NRXN3: variants seen among roughly 807,000 people sequenced by gnomAD.
The protein encoded by NRXN3 is neurexin III.
Under a neutral mutation model 137.6 loss-of-function variants are expected in NRXN3, and 32 were observed. That is an observed-to-expected ratio of 0.23 (90% CI 0.18 to 0.31). The LOEUF is 0.31. Ranked by LOEUF, NRXN3 falls within the 10% of genes least tolerant of loss-of-function variation. NRXN3 has a pLI of 1.00. For missense variants in NRXN3, 1,574 were observed against 2,062.5 expected, an observed-to-expected ratio of 0.76 and a Z score of 4.59; for synonymous variants, 798 against 784.5, an observed-to-expected ratio of 1.02 and a Z score of -0.29.
At chr14:79,239,964 T>G (rs1318925875) in intron 15 of NRXN3, among the ~76,000 whole-genome samples, 5 of 152,004 alleles carry the variant, frequency 3.3e-5, no homozygotes, top group African/African-American at 4.8e-5. Context: ...AACAATCAAA[T>G]TTATAGAGGC....
intron 15 of NRXN3, among the ~76,000 whole-genome samples, chr14:79,114,353 A>G (rs1046339260): frequency 6.6e-6 from 1 of 152,166 alleles, no homozygotes; most frequent in Non-Finnish European, 1.5e-5. Flanking sequence ...CTCTCCAAGT[A>G]GATATATATT....
At chr14:79,420,132 TAG>T (rs1212840684) in intron 15 of NRXN3, among the ~76,000 whole-genome samples, 1 of 152,128 alleles carries the variant, frequency 6.6e-6, no homozygotes, top group Non-Finnish European at 1.5e-5. Flanking sequence ...AGAATGCAAA[TAG>T]CTCTTGGAGT....
chr14:78,369,231 A>G (rs897261828), intron 4 of NRXN3, among the ~76,000 whole-genome samples: 7 of 152,132 alleles, frequency 4.6e-5, no homozygotes, highest in Non-Finnish European at 5.9e-5. Flanking sequence ...CATATATCCA[A>G]TGCAAGTGGT....
chr14:78,729,811 C>T (rs2098506066), intron 8 of NRXN3, among the ~76,000 whole-genome samples: 1 of 152,136 alleles, frequency 6.6e-6, no homozygotes. Flanking sequence ...AGACGGGGAG[C>T]CATCGGCTAT....
chr14:79,488,767 C>G (rs1021223977), intron 16 of NRXN3, among the ~76,000 whole-genome samples: 1 of 152,118 alleles, frequency 6.6e-6, no homozygotes, highest in African/African-American at 2.4e-5. Context: ...AAGTTTTAAG[C>G]TCATCAATCA....
At chr14:79,425,843 GA>G (rs1451110372) in intron 15 of NRXN3, among the ~76,000 whole-genome samples, 1 of 152,156 alleles carries the variant, frequency 6.6e-6, no homozygotes, top group African/African-American at 2.4e-5. Context: ...ATGGACACTA[GA>G]CCCTAGGCCT....
intron 8 of NRXN3, among the ~76,000 whole-genome samples, chr14:78,721,938 C>CTT (rs34195710): frequency 0.02 from 2,948 of 146,730 alleles, 81 homozygotes; most frequent in African/African-American, 0.069. Context: ...GATTCAGCCT[C>CTT]TTTTTTTTTT....
chr14:79,565,238 T>TACAC (rs1284331571), intron 16 of NRXN3, among the ~76,000 whole-genome samples: 4 of 101,362 alleles, frequency 3.9e-5, no homozygotes, highest in East Asian at 2.7e-4. Flanking sequence ...TATATACATA[T>TACAC]ATGTGTGTGT....
intron 15 of NRXN3, among the ~76,000 whole-genome samples, chr14:79,179,896 C>G (rs2062736446): frequency 6.6e-6 from 1 of 152,038 alleles, no homozygotes; most frequent in Admixed American, 6.6e-5. Context: ...TTCCAAGCAC[C>G]CAGCCACAAC....
Position 79,862,158 on chromosome 14 carries a change from C to T in NRXN3, c.*194C>T. ...CAGCGATGCATCTCTCTCTAAAGCTCAGCCACGGCTGCGGCAAGGTCCCAG... is the reference window on the plus strand; with the variant it reads ...CAGCGATGCATCTCTCTCTAAAGCTTAGCCACGGCTGCGGCAAGGTCCCAG... On this transcript the variant is annotated 3_prime_UTR_variant, in exon 21 of 21. Coordinates refer to ENST00000335750, the MANE Select transcript of NRXN3 (RefSeq NM_001330195.2). 1.8e-6 allele frequency: 1 copy of T among 567,232 alleles called. No homozygotes were observed. The highest frequency in any genetic ancestry group is 2.2e-5 in the South Asian group (1 of 45,606). 35.1% of individuals were successfully genotyped at this position (567,232 alleles called of 1,614,324 possible). A position where few individuals can be genotyped will look rare whatever the true frequency, so the allele number is the denominator to read the frequency against.
At position 78,958,577 on chromosome 14, in the gene NRXN3, C is replaced by G. The variant is rs144005658; in HGVS notation, c.2395+1216C>G. On this transcript the variant is annotated intron_variant, in intron 11 of 20. Transcript: ENST00000335750. Reference sequence around the variant, plus strand: ...TCACCGTGTTAGCCAGGATGGTCTCCATCTCCTGACCTCCTGATCCACCCG... The same window carrying G: ...TCACCGTGTTAGCCAGGATGGTCTCGATCTCCTGACCTCCTGATCCACCCG... Among the ~76,000 whole-genome samples the G allele has an allele frequency of 6.5e-3, 994 of 152,138 alleles. 9 individuals carry two copies. The highest frequency in any genetic ancestry group is 0.022 in the African/African-American group (904 of 41,530).
At chr14:78,267,396 A>G (rs2071940053) in intron 2 of NRXN3, among the ~76,000 whole-genome samples, 1 of 152,176 alleles carries the variant, frequency 6.6e-6, no homozygotes, top group Non-Finnish European at 1.5e-5. Context: ...AAATGTCTTT[A>G]CAAAAAATTC....
intron 1 of NRXN3, among the ~76,000 whole-genome samples, chr14:78,189,170 G>A (rs190927911): frequency 3.3e-5 from 5 of 152,098 alleles, no homozygotes; most frequent in Admixed American, 1.3e-4. Context: ...CTTAAAAATG[G>A]ACCTGGAATA....
chr14:78,496,712 G>A (rs1012565847), intron 4 of NRXN3, among the ~76,000 whole-genome samples: 1 of 152,004 alleles, frequency 6.6e-6, no homozygotes, highest in Non-Finnish European at 1.5e-5. Context: ...CAGGGTAAGA[G>A]GATAGAGGTG....
intron 15 of NRXN3, among the ~76,000 whole-genome samples, chr14:79,086,692 G>C (rs2048175549): frequency 6.6e-6 from 1 of 152,108 alleles, no homozygotes; most frequent in African/African-American, 2.4e-5. Flanking sequence ...TGTGGGGATA[G>C]TTTCTACTCA....
chr14:79,331,943 T>C (rs1205678416), intron 15 of NRXN3, among the ~76,000 whole-genome samples: 1 of 152,158 alleles, frequency 6.6e-6, no homozygotes, highest in Non-Finnish European at 1.5e-5. Context: ...TTCAGGCAGA[T>C]ACTTTTACTT....
intron 16 of NRXN3, among the ~76,000 whole-genome samples, chr14:79,527,650 A>G (rs1433687760): frequency 1.3e-5 from 2 of 151,706 alleles, no homozygotes; most frequent in Non-Finnish European, 2.9e-5. Context: ...AGGTGGGAGG[A>G]TCACTTGAGT....
intron 16 of NRXN3, among the ~76,000 whole-genome samples, chr14:79,535,299 G>T (rs1420790045): frequency 2.0e-5 from 3 of 152,174 alleles, no homozygotes; most frequent in Non-Finnish European, 2.9e-5. Context: ...AAAAATTGGA[G>T]TTCATTATGC....
At chr14:79,294,716 A>T (rs1050665323) in intron 15 of NRXN3, among the ~76,000 whole-genome samples, 3 of 152,118 alleles carry the variant, frequency 2.0e-5, no homozygotes, top group Non-Finnish European at 2.9e-5. Context: ...AGCAGAGAGG[A>T]GTGTTTGCAA....
Sources: gnomAD v4.1 joint callset for allele counts (sites outside exome capture counted in the v4.1 genomes callset) on GRCh38, gnomAD v4.1.1 for gene constraint, MANE v1.5 for transcripts, NCBI Gene and HGNC (gene_info 2026-07-23, HGNC 2026-07-21) for gene names.